RBFOX1: variants seen among roughly 807,000 people sequenced by gnomAD.
RBFOX1 encodes RNA binding fox-1 homolog 1.
RBFOX1 carries 8 observed loss-of-function variants against 57.7 expected under a neutral mutation model. The ratio of observed to expected loss-of-function variants is 0.14; its 90% confidence interval spans 0.08 to 0.25. The LOEUF is 0.25. Ranked by LOEUF, RBFOX1 falls within the 10% of genes least tolerant of loss-of-function variation. The pLI is 1.00. For synonymous variants in RBFOX1, 326 were observed against 222.4 expected (o/e 1.47, Z -4.15); for missense variants, 611 against 548.5 (o/e 1.11, Z -1.14).
chr16:5,649,634 A>G (rs1263379360), intron 3 of RBFOX1, among the ~76,000 whole-genome samples: 2 of 152,166 alleles, frequency 1.3e-5, no homozygotes, highest in African/African-American at 2.4e-5. Context: ...AGCCTCTGTC[A>G]TGAATTTATT....
At chr16:7,304,259 A>G (rs1174249171) in intron 4 of RBFOX1, 1 of 983,322 alleles carries the variant, frequency 1.0e-6, no homozygotes, top group African/African-American at 1.8e-5. Context: ...AGCGCGAGCC[A>G]CCGGTCATTG....
chr16:5,655,008 G>C (rs1329905399), intron 3 of RBFOX1, among the ~76,000 whole-genome samples: 1 of 152,114 alleles, frequency 6.6e-6, no homozygotes, highest in African/African-American at 2.4e-5. Flanking sequence ...TGCACACTGG[G>C]TCCAGCCTAC....
At chr16:6,790,200 T>TATTA in intron 3 of RBFOX1, among the ~76,000 whole-genome samples, 1 of 145,854 alleles carries the variant, frequency 6.9e-6, no homozygotes, top group African/African-American at 2.5e-5. Flanking sequence ...TTATTATTAT[T>TATTA]TTATGACAGA....
chr16:7,580,298 C>T (rs892477435), intron 6 of RBFOX1, among the ~76,000 whole-genome samples: 15 of 152,148 alleles, frequency 9.9e-5, no homozygotes, highest in African/African-American at 3.4e-4. Flanking sequence ...CTTTCTTTTA[C>T]AGTTGTCAAA....
intron 2 of RBFOX1, among the ~76,000 whole-genome samples, chr16:6,339,780 C>T (rs1221658865): frequency 6.6e-6 from 1 of 152,042 alleles, no homozygotes; most frequent in African/African-American, 2.4e-5. Flanking sequence ...AAGCGATTCT[C>T]CTGCCTCAGC....
At chr16:5,767,520 C>T (rs2053828314) in intron 3 of RBFOX1, among the ~76,000 whole-genome samples, 1 of 152,188 alleles carries the variant, frequency 6.6e-6, no homozygotes, top group Non-Finnish European at 1.5e-5. Flanking sequence ...CCTGTGCAGA[C>T]ATCACACTGG....
chr16:6,121,199 T>C (rs944539049), intron 1 of RBFOX1, among the ~76,000 whole-genome samples: 6 of 152,176 alleles, frequency 3.9e-5, no homozygotes, highest in Non-Finnish European at 7.3e-5. Flanking sequence ...TTATGGGAAC[T>C]TCAGTGTGTA....
At chr16:7,033,386 G>A (rs2043320545) in intron 3 of RBFOX1, among the ~76,000 whole-genome samples, 2 of 152,172 alleles carry the variant, frequency 1.3e-5, no homozygotes, top group Non-Finnish European at 2.9e-5. Context: ...CAGATGTGAT[G>A]GCACATGCCT....
At chr16:6,421,789 G>C (rs181356065) in intron 2 of RBFOX1, among the ~76,000 whole-genome samples, 25 of 152,078 alleles carry the variant, frequency 1.6e-4, no homozygotes, top group Admixed American at 4.6e-4. Flanking sequence ...CCAGCTCTGT[G>C]CAGTTTTATA....
intron 3 of RBFOX1, among the ~76,000 whole-genome samples, chr16:6,821,003 C>T (rs142836012): frequency 6.6e-6 from 1 of 152,176 alleles, no homozygotes; most frequent in African/African-American, 2.4e-5. Flanking sequence ...GTAAGGGAGT[C>T]TTAGGGTTAT....
chr16:6,677,777 A>G (rs1273146893), intron 3 of RBFOX1, among the ~76,000 whole-genome samples: 2 of 152,208 alleles, frequency 1.3e-5, no homozygotes, highest in African/African-American at 4.8e-5. Context: ...TATACAAGTT[A>G]TTAATATAGA....
intron 1 of RBFOX1, among the ~76,000 whole-genome samples, chr16:6,312,989 G>A (rs2080557978): frequency 6.6e-6 from 1 of 152,144 alleles, no homozygotes; most frequent in Non-Finnish European, 1.5e-5. Context: ...TATGGGCTAT[G>A]AAGAAAGGGT....
intron 4 of RBFOX1, among the ~76,000 whole-genome samples, chr16:7,063,779 T>C (rs911060331): frequency 5.9e-5 from 9 of 152,236 alleles, no homozygotes; most frequent in Non-Finnish European, 1.3e-4. Context: ...CTAAACATTC[T>C]GGATAATAAC....
At chr16:6,649,852 A>T (rs187576625) in intron 2 of RBFOX1, among the ~76,000 whole-genome samples, 1 of 152,260 alleles carries the variant, frequency 6.6e-6, no homozygotes, top group East Asian at 1.9e-4. Context: ...TATATTATAT[A>T]TTGTATTCAT....
At chr16:6,405,574 G>A (rs2152959742) in intron 2 of RBFOX1, among the ~76,000 whole-genome samples, 1 of 152,312 alleles carries the variant, frequency 6.6e-6, no homozygotes, top group South Asian at 2.1e-4. Flanking sequence ...GTCAGAACTA[G>A]TGAAATGGCC....
rs147565824 is a variant in RBFOX1 at position 5,977,265 on chromosome 16, C to T, written c.351+109930C>T. ...TGGCTCCTCACCACCTCTCTGCCTG[C>T]CCCATGACCCTGGAGGAGGTGTGTA... is the stretch of plus-strand genomic sequence containing the variant. On this transcript the variant is annotated intron_variant, in intron 4 of 19. Transcript: ENST00000641259. Among the ~76,000 whole-genome samples the T allele has an allele frequency of 7.7e-3, 1,176 of 152,288 alleles. 10 individuals carry two copies. The highest frequency in any genetic ancestry group is 0.025 in the Admixed American group (383 of 15,300).
At chr16:5,970,610 T>A (rs1032891744) in intron 4 of RBFOX1, among the ~76,000 whole-genome samples, 2 of 152,184 alleles carry the variant, frequency 1.3e-5, no homozygotes, top group African/African-American at 4.8e-5. Flanking sequence ...GAAGACAGAC[T>A]GTGGGCCGAC....
chr16:6,462,948 T>C (rs2094955017), intron 2 of RBFOX1, among the ~76,000 whole-genome samples: 1 of 152,246 alleles, frequency 6.6e-6, no homozygotes, highest in Non-Finnish European at 1.5e-5. Context: ...TATTAATTCT[T>C]CGTATCTTAA....
At chr16:7,590,434 C>T (rs374157781) in intron 7 of RBFOX1, among the ~76,000 whole-genome samples, 41 of 152,158 alleles carry the variant, frequency 2.7e-4, no homozygotes, top group African/African-American at 9.4e-4. Flanking sequence ...AATGAGAATT[C>T]GTAAGCATTT....
Sources: gnomAD v4.1 joint callset for allele counts (sites outside exome capture counted in the v4.1 genomes callset) on GRCh38, gnomAD v4.1.1 for gene constraint, MANE v1.5 for transcripts, NCBI Gene and HGNC (gene_info 2026-07-23, HGNC 2026-07-21) for gene names.